GCNA: variants seen among roughly 807,000 people sequenced by gnomAD.
GCNA encodes germ cell nuclear acidic protein.
In GCNA, 3 loss-of-function variants were observed where a neutral mutation model predicts 38.8. That is an observed-to-expected ratio of 0.08 (90% CI 0.04 to 0.20). The LOEUF is 0.20. Among genes scored for constraint, GCNA ranks in the 10% least tolerant of loss-of-function variants. The probability of loss-of-function intolerance (pLI) is 1.00; values close to 1 mark genes in which losing one functional copy is unlikely to be tolerated. For synonymous variants in GCNA, 195 were observed against 240.2 expected, an observed-to-expected ratio of 0.81 and a Z score of 1.74; for missense variants, 446 against 578.6, an observed-to-expected ratio of 0.77 and a Z score of 2.35.
At chrX:71,599,596 G>A (rs1360705294) in intron 7 of GCNA, among the ~76,000 whole-genome samples, 3 of 112,239 alleles carry the variant, frequency 2.7e-5, no homozygotes, top group Non-Finnish European at 5.6e-5. Flanking sequence ...TCGCAGCAAT[G>A]GAGGGATGAA....
chrX:71,584,314 G>C (rs897483961), intron 2 of GCNA, among the ~76,000 whole-genome samples: 1 of 111,262 alleles, frequency 9.0e-6, no homozygotes, highest in Non-Finnish European at 1.9e-5. Context: ...GCAGTGGCAT[G>C]ATCATGACTC....
At chrX:71,607,818 G>A (rs1036568090) in intron 9 of GCNA, among the ~76,000 whole-genome samples, 7 of 112,908 alleles carry the variant, frequency 6.2e-5, no homozygotes, top group Non-Finnish European at 1.3e-4. Flanking sequence ...TACACAGAAG[G>A]TTATTCTCAG....
At chrX:71,588,437 A>C (rs1454739767) in intron 2 of GCNA, among the ~76,000 whole-genome samples, 1 of 112,273 alleles carries the variant, frequency 8.9e-6, no homozygotes, top group Non-Finnish European at 1.9e-5. Context: ...TGAGGTAATA[A>C]TTTTGAATAA....
At chrX:71,608,422 A>G (rs758351248) in intron 9 of GCNA, among the ~76,000 whole-genome samples, 22 of 110,967 alleles carry the variant, frequency 2.0e-4, no homozygotes, top group African/African-American at 5.6e-4. Context: ...ACAGGCGCCC[A>G]CCATCACGCC....
At position 71,578,498 on chromosome X, in the gene GCNA, G is replaced by C. The variant is rs1427271385; in HGVS notation, c.-27G>C. On this transcript the variant is annotated 5_prime_UTR_variant, in exon 1 of 13. Transcript: ENST00000373696. ...GGCAGTTGGAGGTGAGCTGCTGCCG[G>C]CCACGCCAGAGGCTGCAACACCAGG... 8.9e-6 allele frequency: 1 copy of C among 112,794 alleles called. No homozygotes were observed. Among genetic ancestry groups the C allele is most frequent in the African/African-American group, 3.2e-5 (1 of 31,022 alleles). 9.3% of individuals were successfully genotyped at this position (112,794 alleles called of 1,213,427 possible).
intron 9 of GCNA, 137 bp from the exon 10 acceptor site, chrX:71,608,836 C>T (rs1255157158): frequency 2.7e-6 from 2 of 747,378 alleles, no homozygotes; most frequent in Admixed American, 7.9e-5. Flanking sequence ...CAAATGAAGG[C>T]TTGGGAAATG....
At chrX:71,601,263 C>T (rs1296720601) in intron 7 of GCNA, among the ~76,000 whole-genome samples, 1 of 110,175 alleles carries the variant, frequency 9.1e-6, no homozygotes, top group Non-Finnish European at 1.9e-5. Flanking sequence ...ATTGCTGGAA[C>T]CCGGGAGGTG....
At chrX:71,610,050 CCTT>C (rs1569442179) in intron 10 of GCNA, among the ~76,000 whole-genome samples, 1 of 111,256 alleles carries the variant, frequency 9.0e-6, no homozygotes, top group Non-Finnish European at 1.9e-5. Context: ...GCAGGGTTGT[CCTT>C]CTCTCCTTGG....
At chrX:71,600,370 G>A (rs1602178302) in intron 7 of GCNA, among the ~76,000 whole-genome samples, 1 of 110,059 alleles carries the variant, frequency 9.1e-6, no homozygotes, top group Non-Finnish European at 1.9e-5. Context: ...ATTTTGTAAA[G>A]AACACCAAAA....
rs368726372 is a variant in GCNA, at chrX:71,604,260, A to C, written c.983A>C (p.Asn328Thr). ...KSDDSDVPDD[N>T]SDDLEVPVPA... Reference sequence around the variant, plus strand: ...GATGATTCGGATGTTCCCGATGACAATAGTGATGATTTGGAAGTTCCTGTG... The same window carrying C: ...GATGATTCGGATGTTCCCGATGACACTAGTGATGATTTGGAAGTTCCTGTG... Residue 328 changes from asparagine (N) to threonine (T), a missense_variant, in exon 8 of 13, where the codon AAT (asparagine) becomes ACT (threonine). By Grantham distance (65) the Asn-to-Thr change is moderately conservative. Transcript: ENST00000373696. The C allele has an allele frequency of 1.7e-6, 2 of 1,211,365 alleles. No homozygotes were observed. The highest frequency in any genetic ancestry group is 1.7e-5 in the African/African-American group (1 of 57,575).
chrX:71,583,408 C>A (rs371583556), intron 2 of GCNA, among the ~76,000 whole-genome samples: 1 of 110,698 alleles, frequency 9.0e-6, no homozygotes, highest in East Asian at 2.8e-4. Context: ...CTGGAACTTA[C>A]GAGTTTGAGA....
intron 1 of GCNA, among the ~76,000 whole-genome samples, chrX:71,579,475 C>T (rs1300657157): frequency 1.1e-5 from 1 of 87,924 alleles, no homozygotes; most frequent in Non-Finnish European, 2.2e-5. Context: ...GGCCTAGGAG[C>T]ACGTGGTGGT....
chrX:71,609,181 G>A, intron 10 of GCNA, 64 bp downstream of exon 10: 2 of 1,083,475 alleles, frequency 1.8e-6, no homozygotes, highest in Non-Finnish European at 2.5e-6. Context: ...GGTGCTGTGA[G>A]GTGTGCTAAC....
At chrX:71,581,702 T>C (rs2040547834) in intron 2 of GCNA, among the ~76,000 whole-genome samples, 1 of 111,857 alleles carries the variant, frequency 8.9e-6, no homozygotes, top group Non-Finnish European at 1.9e-5. Flanking sequence ...CAAAATAGAT[T>C]ACACATGGAT....
intron 2 of GCNA, among the ~76,000 whole-genome samples, chrX:71,586,898 C>T (rs1156832933): frequency 8.9e-6 from 1 of 112,024 alleles, no homozygotes; most frequent in Non-Finnish European, 1.9e-5. Flanking sequence ...GTGTGAGCCA[C>T]TGCGCCTGGC....
At chrX:71,583,692 CT>C (rs753557808) in intron 2 of GCNA, among the ~76,000 whole-genome samples, 5,387 of 72,458 alleles carry the variant, frequency 0.074, 103 homozygotes, top group East Asian at 0.3. Flanking sequence ...CTATTATATT[CT>C]TTTTTTTTTT....
intron 7 of GCNA, among the ~76,000 whole-genome samples, chrX:71,598,814 T>A (rs2040691466): frequency 9.0e-6 from 1 of 111,109 alleles, no homozygotes; most frequent in Non-Finnish European, 1.9e-5. Flanking sequence ...TGAGCTGAAC[T>A]CAACTGAAAA....
chrX:71,603,689 G>T lies in GCNA; in HGVS notation c.412G>T (p.Val138Phe). 8.2e-7 allele frequency: 1 copy of T among 1,212,147 alleles called. No homozygotes were observed. The highest frequency in any genetic ancestry group is 1.8e-5 in the South Asian group (1 of 57,004). Residue 138 changes from valine (V) to phenylalanine (F), a missense_variant, in exon 8 of 13, where the codon GTT becomes TTT. Transcript: ENST00000373696. ...CGATGACAACGGTAATGATTTGGAA[G>T]TTCCCGACGACAACAGTGATGATTC... ...NDDDNGNDLE[V>F]PDDNSDDSEA...
Position 71,587,221 on chromosome X carries a change from C to T in GCNA, c.60-4901C>T, listed in dbSNP as rs781151734. Among the ~76,000 whole-genome samples the T allele has an allele frequency of 2.7e-5, 3 of 110,130 alleles. No homozygotes were observed. The South Asian group carries it at 1.2e-3, about 44-fold the overall frequency. On this transcript the variant is annotated intron_variant, in intron 2 of 12. Coordinates refer to ENST00000373696, the MANE Select transcript of GCNA (RefSeq NM_052957.5). ...GAGTCTAGTATGGTTGCAGTTAGTT[C>T]TGGAGATTTCTTGGTGGGAGGATGA...
Sources: gnomAD v4.1 joint callset for allele counts (sites outside exome capture counted in the v4.1 genomes callset) on GRCh38, gnomAD v4.1.1 for gene constraint, MANE v1.5 for transcripts, NCBI Gene and HGNC (gene_info 2026-07-23, HGNC 2026-07-21) for gene names.